Variants in MYO1F observed in about 807,000 individuals in gnomAD.
MYO1F encodes the protein unconventional myosin-If.
A neutral mutation model predicts 146.6 loss-of-function variants in MYO1F; 60 were observed. The observed-to-expected ratio is 0.41, with a 90% CI of 0.33 to 0.51. The LOEUF (loss-of-function observed/expected upper bound fraction) is 0.51. Ranked by LOEUF, MYO1F falls within the 20% of genes least tolerant of loss-of-function variation. MYO1F has a pLI of 0.25. For synonymous variants in MYO1F, 602 were observed against 602.1 expected (o/e 1.00, Z 0.00); for missense variants, 1,274 against 1,534.3 (o/e 0.83, Z 2.83).
intron 14 of MYO1F, 159 bp downstream of exon 14, chr19:8,544,138 T>G (rs1599958313): frequency 2.6e-6 from 2 of 767,912 alleles, no homozygotes; most frequent in East Asian, 2.7e-5. Flanking sequence ...TTCTGGTTAG[T>G]AGGGGGTGGA....
At chr19:8,538,909 A>G (rs914247276) in intron 16 of MYO1F, among the ~76,000 whole-genome samples, 3 of 152,192 alleles carry the variant, frequency 2.0e-5, no homozygotes, top group African/African-American at 7.2e-5. Context: ...GGAAGATGAG[A>G]AAGTTCTGGA....
intron 21 of MYO1F, 134 bp from the exon 22 acceptor site, chr19:8,527,617 A>G: frequency 9.0e-7 from 1 of 1,112,216 alleles, no homozygotes; most frequent in East Asian, 2.6e-5. Context: ...AAGGTGTATG[A>G]GTCGTCTGTT....
At chr19:8,561,172 C>G (rs1974084660) in intron 1 of MYO1F, among the ~76,000 whole-genome samples, 2 of 152,162 alleles carry the variant, frequency 1.3e-5, no homozygotes, top group Non-Finnish European at 2.9e-5. Context: ...GTGTGAGCCA[C>G]TGTGCCTGGC....
At position 8,530,919 on chromosome 19, in the gene MYO1F, C is replaced by T. The variant is rs1344012184; in HGVS notation, c.2044-346G>A. Among the ~76,000 whole-genome samples, 1 of 152,146 alleles carries T rather than the reference C, an allele frequency of 6.6e-6. No individual in the cohort carries two copies. The highest frequency in any genetic ancestry group is 1.5e-5 in the Non-Finnish European group (1 of 68,028). On this transcript the variant is annotated intron_variant, in intron 19 of 27. Transcript: ENST00000644032. The surrounding 1 kb of genome is among the most constrained non-coding windows in gnomAD (Gnocchi z 5.8). Reference sequence around the variant, plus strand: ...ATTAGCTGGGCATGGTGGTAGATGCCTGTGATCCCAGCTACTCGGGAGCCT... The same window carrying T: ...ATTAGCTGGGCATGGTGGTAGATGCTTGTGATCCCAGCTACTCGGGAGCCT...
At chr19:8,570,408 T>TGTGAG (rs2075226140) in intron 1 of MYO1F, among the ~76,000 whole-genome samples, 1 of 151,184 alleles carries the variant, frequency 6.6e-6, no homozygotes, top group Non-Finnish European at 1.5e-5. Context: ...CTCGCTCTTG[T>TGTGAG]TGCTCAGTCT....
At chr19:8,529,968 C>T in intron 21 of MYO1F, 1 of 650,792 alleles carries the variant, frequency 1.5e-6, no homozygotes, top group Non-Finnish European at 2.8e-6. Context: ...TACCTATGGA[C>T]AGGTGTGTCT....
Position 8,552,181 on chromosome 19 carries a change from C to T in MYO1F, c.505-17G>A, listed in dbSNP as rs1225568805. On this transcript the variant is annotated splice_polypyrimidine_tract_variant and intron_variant, in intron 6 of 27. Coordinates refer to ENST00000644032, the MANE Select transcript of MYO1F (RefSeq NM_012335.4). Reference sequence around the variant, plus strand: ...GTACTTGCCCTGAATCCGAGAGAACCATGTCAGCACCCCAGTGTCCTGGGG... The same window carrying T: ...GTACTTGCCCTGAATCCGAGAGAACTATGTCAGCACCCCAGTGTCCTGGGG... The T allele has an allele frequency of 6.2e-7, 1 of 1,614,030 alleles. No homozygotes were observed. The highest frequency in any genetic ancestry group is 1.1e-5 in the South Asian group (1 of 91,078).
intron 12 of MYO1F, among the ~76,000 whole-genome samples, chr19:8,547,324 AG>A (rs1432764648): frequency 7.1e-6 from 1 of 141,784 alleles, no homozygotes. Flanking sequence ...AAAAAAAAAA[AG>A]CGGGGAATGG....
In MYO1F at chr19:8,551,782, C is replaced by G. The variant is rs745602882; in HGVS notation, c.729G>C (p.Gln243His). ...YYYLNQSDTY[Q>H]VDGTDDRSDF... ...CGCTTCTGTCGTCCGTGCCGTCCACCTGGTAGGTGTCCGATTGGTTGAGGT... is the reference window on the plus strand; with the variant it reads ...CGCTTCTGTCGTCCGTGCCGTCCACGTGGTAGGTGTCCGATTGGTTGAGGT... The change falls in exon 8 of 28, where the codon CAG becomes CAC. Residue 243 changes from glutamine (Q) to histidine (H), a missense_variant. Gln to His is a conservative substitution (Grantham distance 24, BLOSUM62 0). Around this residue, in one of 2 missense-constraint regions of MYO1F, gnomAD observed 900 missense variants for 1,155.1 expected, o/e 0.78. Coordinates refer to ENST00000644032, the MANE Select transcript of MYO1F (RefSeq NM_012335.4). 6.2e-7 allele frequency: 1 copy of G among 1,614,186 alleles called. No homozygotes were observed. The highest frequency in any genetic ancestry group is 8.5e-7 in the Non-Finnish European group (1 of 1,180,042).
intron 13 of MYO1F, 91 bp from the exon 14 acceptor site, chr19:8,544,555 G>T (rs2145892505): frequency 3.1e-6 from 4 of 1,300,246 alleles, no homozygotes; most frequent in Non-Finnish European, 4.3e-6. Flanking sequence ...GAGGGAGGGG[G>T]TGGAGGAGTG....
chr19:8,577,070 C>T lies in MYO1F; in HGVS notation c.3+237G>A. ...GCCACCTTCTGTCTTCCAGGTCCTG[C>T]CCTATCCTTGGATCCAGGGATACCA... On this transcript the variant is annotated intron_variant, in intron 1 of 27. Transcript: ENST00000644032. The surrounding 1 kb of genome is among the most constrained non-coding windows in gnomAD (Gnocchi z 4.3). 1.6e-6 allele frequency: 1 copy of T among 627,956 alleles called. No homozygotes were observed. The highest frequency in any genetic ancestry group is 1.8e-5 in the African/African-American group (1 of 55,006). The allele number at this position is 627,956 out of a possible 1,614,324, so 38.9% of individuals were successfully genotyped here.
At position 8,544,414 on chromosome 19, in the gene MYO1F, G is replaced by A. The variant is rs541294738; in HGVS notation, c.1407C>T (p.His469=). 3.3e-5 allele frequency: 54 copies of A among 1,612,718 alleles called. No homozygotes were observed. Among genetic ancestry groups the A allele is most frequent in the Middle Eastern group, 1.7e-4 (1 of 6,046 alleles). ...TCTGGTCTGCTCCCCCGCCCGTGGC[G>A]TGCATGGTGGCGCACACGTCGTCCA... ...SVLDDVCATM[H]ATGGGADQTL... is the part of the protein sequence containing the mutation. The change falls in exon 14 of 28, where the codon CAC becomes CAT. Residue 469 remains histidine, a synonymous_variant. Coordinates refer to ENST00000644032, the MANE Select transcript of MYO1F (RefSeq NM_012335.4).
intron 16 of MYO1F, among the ~76,000 whole-genome samples, chr19:8,539,355 G>A (rs1473192823): frequency 3.3e-5 from 5 of 151,790 alleles, no homozygotes; most frequent in African/African-American, 1.2e-4. Flanking sequence ...CAGAGGTTGT[G>A]GTGAGCCGAG....
At chr19:8,548,753 A>G (rs1973479995) in intron 10 of MYO1F, among the ~76,000 whole-genome samples, 1 of 151,576 alleles carries the variant, frequency 6.6e-6, no homozygotes, top group African/African-American at 2.4e-5. Context: ...AGGGCCTGCC[A>G]CCACGCCCGG....
At chr19:8,536,418 G>T (rs766306914) in intron 18 of MYO1F, 22 bp from the exon 19 acceptor site, 3 of 1,608,332 alleles carry the variant, frequency 1.9e-6, no homozygotes, top group Non-Finnish European at 2.5e-6. Context: ...GGGCTGGGGT[G>T]TGGGAGTGCT....
At chr19:8,574,625 CTTTCTTTCTTTCTTTCTTTCCTTT>C (rs1480464977) in intron 1 of MYO1F, among the ~76,000 whole-genome samples, 69 of 52,088 alleles carry the variant, frequency 1.3e-3, no homozygotes, top group African/African-American at 4.4e-3. Context: ...TTCTTTCTTT[CTTTCTTTCTTTCTTTCTTTCCTTT>C]CTTTCTCTTT....
Position 8,536,949 on chromosome 19 carries a change from C to T in MYO1F, c.1799G>A (p.Arg600Lys). Residue 600 changes from arginine to lysine, a missense_variant and splice_region_variant, in exon 17 of 28, where the codon AGA becomes AAA. By Grantham distance (26) the Arg-to-Lys change is conservative. Coordinates refer to ENST00000644032, the MANE Select transcript of MYO1F (RefSeq NM_012335.4). ...TCTTGGATTGGTTGGGGGGGATCACCTGTTCTCCTCCCAGTCTCGGGGCCT... is the reference window on the plus strand; with the variant it reads ...TCTTGGATTGGTTGGGGGGGATCACTTGTTCTCCTCCCAGTCTCGGGGCCT... ...TKRPRDWEEN[R>K]VKHQVEYLGL... 2 of 1,610,444 alleles carry T rather than the reference C, an allele frequency of 1.2e-6. No individual in the cohort carries two copies. Among genetic ancestry groups the T allele is most frequent in the Non-Finnish European group, 1.7e-6 (2 of 1,177,646 alleles).
intron 1 of MYO1F, among the ~76,000 whole-genome samples, chr19:8,564,361 A>G (rs2041962208): frequency 6.6e-6 from 1 of 152,122 alleles, no homozygotes; most frequent in African/African-American, 2.4e-5. Flanking sequence ...AGCCTGGGCG[A>G]CAGGAGTGAA....
chr19:8,569,987 C>A (rs1343903564), intron 1 of MYO1F, among the ~76,000 whole-genome samples: 1 of 152,078 alleles, frequency 6.6e-6, no homozygotes, highest in African/African-American at 2.4e-5. Flanking sequence ...ATCACTGCAG[C>A]CTTGACCTCC....
Sources: allele counts gnomAD v4.1 joint callset (sites outside exome capture counted in the v4.1 genomes callset), GRCh38; gene constraint gnomAD v4.1.1; regional missense constraint gnomAD v4.1.1; non-coding constraint Gnocchi (gnomAD v3.1); transcripts MANE v1.5; gene names NCBI Gene and HGNC (gene_info 2026-07-23, HGNC 2026-07-21).